The following SLC7A1 variants were observed in gnomAD, a reference collection of about 807,000 sequenced individuals.
The protein encoded by SLC7A1 is solute carrier family 7 member 1.
A neutral mutation model predicts 53.9 loss-of-function variants in SLC7A1; 10 were observed. The observed-to-expected ratio is 0.19, with a 90% CI of 0.11 to 0.31. The LOEUF (loss-of-function observed/expected upper bound fraction) is 0.31, where lower values mean the gene tolerates loss of function less well. Ranked by LOEUF, SLC7A1 falls within the 10% of genes least tolerant of loss-of-function variation. The pLI is 1.00. For missense variants in SLC7A1, 525 were observed against 827.2 expected (o/e 0.63, Z 4.48); for synonymous variants, 342 against 338.7 (o/e 1.01, Z -0.11).
At chr13:29,533,445 C>G (rs1869266069) in intron 3 of SLC7A1, among the ~76,000 whole-genome samples, 1 of 152,148 alleles carries the variant, frequency 6.6e-6, no homozygotes, top group African/African-American at 2.4e-5. Flanking sequence ...TTCTAGGAAC[C>G]CCTTGGCTGC....
Position 29,516,176 on chromosome 13 carries a change from T to C in SLC7A1, c.1748A>G (p.Gln583Arg). Reference protein sequence around the residue: ...VNVYLMMQLDQGTWVRFAVWM... With the variant: ...VNVYLMMQLDRGTWVRFAVWM... ...CACAGCAAACCGGACCCAGGTGCCC[T>C]GGTCCAGCTGCATCATGAGATAGAC... Residue 583 changes from glutamine to arginine, a missense_variant, in exon 12 of 13, where the codon CAG becomes CGG. By Grantham distance (43) the Gln-to-Arg change is conservative. Coordinates refer to ENST00000380752, the MANE Select transcript of SLC7A1 (RefSeq NM_003045.5). The C allele has an allele frequency of 6.2e-7, 1 of 1,613,688 alleles. No individual in the cohort carries two copies.
intron 2 of SLC7A1, among the ~76,000 whole-genome samples, chr13:29,540,325 C>G (rs1032306515): frequency 6.6e-6 from 1 of 152,164 alleles, no homozygotes; most frequent in South Asian, 2.1e-4. Flanking sequence ...TCTCGGATCC[C>G]TCTTGCTCCC....
intron 5 of SLC7A1, among the ~76,000 whole-genome samples, chr13:29,530,094 T>C (rs1324109406): frequency 6.6e-6 from 1 of 152,192 alleles, no homozygotes; most frequent in Non-Finnish European, 1.5e-5. Flanking sequence ...GTTTCACCTA[T>C]TTCTCTTCCC....
intron 1 of SLC7A1, among the ~76,000 whole-genome samples, chr13:29,559,814 C>A (rs1361855163): frequency 6.6e-6 from 1 of 151,646 alleles, no homozygotes; most frequent in Non-Finnish European, 1.5e-5. Context: ...CTCCCAGGTT[C>A]ACGCCATTCT....
intron 2 of SLC7A1, among the ~76,000 whole-genome samples, chr13:29,539,616 C>T (rs1197524499): frequency 6.6e-6 from 1 of 152,184 alleles, no homozygotes; most frequent in South Asian, 2.1e-4. Context: ...TGAATAGGTA[C>T]GCAGCGGCCC....
At chr13:29,519,614 C>T (rs1868527780) in intron 8 of SLC7A1, 65 bp from the exon 9 acceptor site, 2 of 965,234 alleles carry the variant, frequency 2.1e-6, no homozygotes, top group African/African-American at 3.2e-5. Context: ...CCAGGACCAC[C>T]ACTGCCGCCC....
In SLC7A1 at chr13:29,514,402, G is replaced by A; in HGVS notation, c.*78C>T. 1 of 1,005,942 alleles carries A rather than the reference G, an allele frequency of 9.9e-7. No individual in the cohort carries two copies. Among genetic ancestry groups the A allele is most frequent in the Non-Finnish European group, 1.5e-6 (1 of 653,210 alleles). 62.3% of individuals were successfully genotyped at this position (1,005,942 alleles called of 1,614,324 possible). ...CGCAGGTGGTTTCTGTTGCACTGGT[G>A]GGGAGGGTGGGGTGCCTCCCGGTCC... is the stretch of plus-strand genomic sequence containing the variant. On this transcript the variant is annotated 3_prime_UTR_variant, in exon 13 of 13. Coordinates refer to ENST00000380752, the MANE Select transcript of SLC7A1 (RefSeq NM_003045.5).
intron 1 of SLC7A1, among the ~76,000 whole-genome samples, chr13:29,570,938 A>G (rs1049850397): frequency 6.6e-6 from 1 of 152,130 alleles, no homozygotes; most frequent in Non-Finnish European, 1.5e-5. Context: ...GGAGGTTTCA[A>G]TGAATTTATA....
intron 2 of SLC7A1, among the ~76,000 whole-genome samples, chr13:29,541,775 G>A (rs1159490153): frequency 6.6e-6 from 1 of 150,428 alleles, no homozygotes; most frequent in Non-Finnish European, 1.5e-5. Flanking sequence ...TCCAAGAGTA[G>A]GAAAAATTAT....
At position 29,512,257 on chromosome 13, in the gene SLC7A1, G is replaced by A. The variant is rs1180596937; in HGVS notation, c.*2223C>T. 6.6e-6 allele frequency: 1 copy of A among 152,186 alleles called. No individual in the cohort carries two copies. The highest frequency in any genetic ancestry group is 1.5e-5 in the Non-Finnish European group (1 of 68,034). 9.4% of individuals were successfully genotyped at this position (152,186 alleles called of 1,614,324 possible). A position where few individuals can be genotyped will look rare whatever the true frequency, so the allele number is the denominator to read the frequency against. On this transcript the variant is annotated 3_prime_UTR_variant, in exon 13 of 13. Transcript: ENST00000380752. ...CCCTGCCCAGCCTAGGCGTGCTTCT[G>A]TGTCCAGCTTTAAGGCCTCTGCGTG...
At chr13:29,519,201 C>G (rs866594607) in intron 9 of SLC7A1, among the ~76,000 whole-genome samples, 10 of 152,156 alleles carry the variant, frequency 6.6e-5, no homozygotes, top group South Asian at 2.1e-4. Context: ...CTGTCTCTAT[C>G]CACCCAACAT....
At chr13:29,517,351 T>A (rs767458211) in intron 10 of SLC7A1, 41 bp from the exon 11 acceptor site, 1 of 1,565,916 alleles carries the variant, frequency 6.4e-7, no homozygotes, top group Admixed American at 1.8e-5. Context: ...AACTCAACCA[T>A]TTCCCAATTT....
At chr13:29,536,351 A>C in intron 2 of SLC7A1, 149 bp from the exon 3 acceptor site, 1 of 851,348 alleles carries the variant, frequency 1.2e-6, no homozygotes, top group Non-Finnish European at 1.8e-6. Context: ...TCCACCATCA[A>C]TTGTCAGAAG....
chr13:29,574,373 A>AT (rs1871321738), intron 1 of SLC7A1, among the ~76,000 whole-genome samples: 2 of 152,212 alleles, frequency 1.3e-5, no homozygotes, highest in South Asian at 4.1e-4. Context: ...TTTTCACCAA[A>AT]TATCACTGAC....
chr13:29,563,198 G>A (rs1183636877), intron 1 of SLC7A1, among the ~76,000 whole-genome samples: 1 of 152,208 alleles, frequency 6.6e-6, no homozygotes, highest in Non-Finnish European at 1.5e-5. Context: ...TGTCGCAATT[G>A]AAGGATGGTG....
At position 29,512,656 on chromosome 13, in the gene SLC7A1, A is replaced by C. The variant is rs550741723; in HGVS notation, c.*1824T>G. On this transcript the variant is annotated 3_prime_UTR_variant, in exon 13 of 13. Transcript: ENST00000380752. ...TTAGTATTTATCAAAATATGTTACAACACCAATCTCCATAAATGTCAATAT... is the reference window on the plus strand; with the variant it reads ...TTAGTATTTATCAAAATATGTTACACCACCAATCTCCATAAATGTCAATAT... 3 of 152,374 alleles carry C rather than the reference A, an allele frequency of 2.0e-5. No homozygotes were observed. The highest frequency in any genetic ancestry group is 2.1e-4 in the South Asian group (1 of 4,828). The allele number at this position is 152,374 out of a possible 1,614,324, so 9.4% of individuals were successfully genotyped here. A position where few individuals can be genotyped will look rare whatever the true frequency, so the allele number is the denominator to read the frequency against.
At chr13:29,544,784 G>C (rs1389880034) in intron 2 of SLC7A1, among the ~76,000 whole-genome samples, 1 of 93,028 alleles carries the variant, frequency 1.1e-5, no homozygotes, top group Non-Finnish European at 3.4e-5. Flanking sequence ...GGGCAGTGGG[G>C]AGAGGGTGTA....
intron 1 of SLC7A1, among the ~76,000 whole-genome samples, chr13:29,567,695 G>A (rs930807983): frequency 1.3e-5 from 2 of 152,148 alleles, no homozygotes; most frequent in African/African-American, 4.8e-5. Flanking sequence ...CGGACAGTGC[G>A]GCAGTTCTAA....
intron 10 of SLC7A1, 101 bp from the exon 11 acceptor site, chr13:29,517,411 A>T (rs1000674362): frequency 3.0e-6 from 4 of 1,340,094 alleles, no homozygotes; most frequent in Non-Finnish European, 4.2e-6. Context: ...GAGAGGCTCC[A>T]TTTCCGAAGG....
Sources: gnomAD v4.1 joint callset for allele counts (sites outside exome capture counted in the v4.1 genomes callset) on GRCh38, gnomAD v4.1.1 for gene constraint, MANE v1.5 for transcripts, NCBI Gene and HGNC (gene_info 2026-07-23, HGNC 2026-07-21) for gene names.